IKZF1: variants seen among roughly 807,000 people sequenced by gnomAD.
IKZF1 encodes DNA-binding protein Ikaros.
Under a neutral mutation model 51.7 loss-of-function variants are expected in IKZF1, and 10 were observed. The observed-to-expected ratio is 0.19, with a 90% confidence interval of 0.12 to 0.33. The LOEUF (loss-of-function observed/expected upper bound fraction) is 0.33, where lower values mean the gene tolerates loss of function less well. Among genes scored for constraint, IKZF1 ranks in the 10% least tolerant of loss-of-function variants. The probability of loss-of-function intolerance (pLI) is 1.00; values close to 1 mark genes in which losing one functional copy is unlikely to be tolerated. For synonymous variants in IKZF1, 280 were observed against 282.3 expected (o/e 0.99, Z 0.08); for missense variants, 484 against 707.5 (o/e 0.68, Z 3.58).
chr7:50,392,521 C>T (rs541479900), intron 7 of IKZF1, among the ~76,000 whole-genome samples: 1 of 152,190 alleles, frequency 6.6e-6, no homozygotes, highest in Admixed American at 6.5e-5. Flanking sequence ...AGTGGAAAGG[C>T]GCTAGGCTTG....
At chr7:50,347,181 A>C (rs1369478488) in intron 3 of IKZF1, among the ~76,000 whole-genome samples, 1 of 152,236 alleles carries the variant, frequency 6.6e-6, no homozygotes, top group Non-Finnish European at 1.5e-5. Context: ...ATAAGACAGC[A>C]TTCCTGTCCT....
intron 1 of IKZF1, among the ~76,000 whole-genome samples, chr7:50,315,232 C>T (rs974191926): frequency 1.3e-5 from 2 of 152,180 alleles, no homozygotes; most frequent in Non-Finnish European, 2.9e-5. Flanking sequence ...GAGACAGTCT[C>T]AGACAAAGGG....
intron 7 of IKZF1, among the ~76,000 whole-genome samples, chr7:50,397,479 G>A (rs999476480): frequency 3.3e-5 from 5 of 152,096 alleles, no homozygotes; most frequent in Admixed American, 6.5e-5. Flanking sequence ...TGGTTGCTTG[G>A]GAAACCACAG....
intron 3 of IKZF1, among the ~76,000 whole-genome samples, chr7:50,339,893 T>C (rs2153413825): frequency 6.6e-6 from 1 of 152,372 alleles, no homozygotes; most frequent in East Asian, 1.9e-4. Context: ...ATTACATTAA[T>C]ATGTTACTAA....
chr7:50,350,298 G>A (rs1454565628), intron 3 of IKZF1, among the ~76,000 whole-genome samples: 1 of 152,254 alleles, frequency 6.6e-6, no homozygotes, highest in Non-Finnish European at 1.5e-5. Context: ...CAGCTCCAGA[G>A]GCTGGTCCCT....
chr7:50,343,530 G>C, intron 3 of IKZF1, among the ~76,000 whole-genome samples: 1 of 152,160 alleles, frequency 6.6e-6, no homozygotes, highest in Non-Finnish European at 1.5e-5. Flanking sequence ...GCATTTTCCT[G>C]ATCATTAAAT....
At chr7:50,368,909 CA>C (rs1339014333) in intron 3 of IKZF1, 4 of 220,914 alleles carry the variant, frequency 1.8e-5, no homozygotes, top group African/African-American at 8.9e-5. Context: ...TGAACAGTGC[CA>C]GTAACAGTTA....
intron 6 of IKZF1, among the ~76,000 whole-genome samples, chr7:50,388,936 C>G (rs1338978863): frequency 6.6e-6 from 1 of 152,090 alleles, no homozygotes; most frequent in Non-Finnish European, 1.5e-5. Flanking sequence ...TCAATAATAC[C>G]AAGCCCTATT....
chr7:50,382,072 G>C (rs1196971083), intron 4 of IKZF1, among the ~76,000 whole-genome samples: 1 of 152,182 alleles, frequency 6.6e-6, no homozygotes, highest in Middle Eastern at 3.2e-3. Flanking sequence ...ATATAAGAAT[G>C]TAACGCTGAA....
intron 3 of IKZF1, among the ~76,000 whole-genome samples, chr7:50,335,816 G>T (rs913818427): frequency 6.6e-6 from 1 of 151,988 alleles, no homozygotes; most frequent in Non-Finnish European, 1.5e-5. Flanking sequence ...AGCCACTGGG[G>T]TGTTTGCTGT....
At chr7:50,315,815 C>T (rs562458493) in intron 1 of IKZF1, among the ~76,000 whole-genome samples, 100 of 152,238 alleles carry the variant, frequency 6.6e-4, no homozygotes, top group African/African-American at 2.4e-3. Flanking sequence ...AAATTGAGGC[C>T]ATATCAAGCT....
In IKZF1 at chr7:50,382,622, C is replaced by A. The variant is rs573718333; in HGVS notation, c.504C>A (p.Ser168=). The part of the protein sequence containing the change: ...GNLLRHIKLH[S]GEKPFKCHLC... ...TGCTCCGGCACATCAAGCTGCATTC[C>A]GGGGAGAAGCCCTTCAAATGCCACC... Residue 168 remains serine (S), a synonymous_variant, in exon 5 of 8, where the codon TCC becomes TCA. Coordinates refer to ENST00000331340, the MANE Select transcript of IKZF1 (RefSeq NM_006060.6). 6.2e-7 allele frequency: 1 copy of A among 1,613,472 alleles called. No homozygotes were observed. Among genetic ancestry groups the A allele is most frequent in the African/African-American group, 1.3e-5 (1 of 74,916 alleles).
rs1020676314 is a variant in IKZF1, at chr7:50,376,421, T to C, written c.161-112T>C. The C allele has an allele frequency of 2.1e-5, 32 of 1,511,108 alleles. No homozygotes were observed. The highest frequency in any genetic ancestry group is 2.1e-5 in the Non-Finnish European group (24 of 1,128,966). 93.6% of individuals were successfully genotyped at this position (1,511,108 alleles called of 1,614,324 possible). A position where few individuals can be genotyped will look rare whatever the true frequency, so the allele number is the denominator to read the frequency against. ...TCTCCCCTTGGTATTTGCTAAGAAC[T>C]TCTGTTTAGTAGCTCTCCACACCTA... is the stretch of plus-strand genomic sequence containing the variant. On this transcript the variant is annotated intron_variant, in intron 3 of 7. Coordinates refer to ENST00000331340, the MANE Select transcript of IKZF1 (RefSeq NM_006060.6). The surrounding 1 kb of genome is among the most constrained non-coding windows in gnomAD (Gnocchi z 4.5).
At chr7:50,343,544 T>C (rs771867783) in intron 3 of IKZF1, among the ~76,000 whole-genome samples, 1 of 152,198 alleles carries the variant, frequency 6.6e-6, no homozygotes, top group Non-Finnish European at 1.5e-5. Context: ...ATTAAATGAA[T>C]TAGGGATTTC....
At chr7:50,357,635 AT>A (rs1446296987) in intron 3 of IKZF1, among the ~76,000 whole-genome samples, 1 of 152,042 alleles carries the variant, frequency 6.6e-6, no homozygotes, top group African/African-American at 2.4e-5. Flanking sequence ...TCCCTCTATA[AT>A]TTCTCTGGAG....
chr7:50,384,002 A>G (rs1478707998), intron 5 of IKZF1, among the ~76,000 whole-genome samples: 3 of 152,370 alleles, frequency 2.0e-5, no homozygotes, highest in African/African-American at 4.8e-5. Flanking sequence ...GAAAGCACCA[A>G]TGTGTTACAG....
chr7:50,385,756 G>C (rs1813204476), intron 5 of IKZF1, among the ~76,000 whole-genome samples: 1 of 152,176 alleles, frequency 6.6e-6, no homozygotes, highest in African/African-American at 2.4e-5. Context: ...GTATCGAGTG[G>C]TTATCTATAT....
At chr7:50,310,213 G>A (rs1789831250) in intron 1 of IKZF1, among the ~76,000 whole-genome samples, 1 of 152,168 alleles carries the variant, frequency 6.6e-6, no homozygotes, top group East Asian at 1.9e-4. Context: ...TTAGTATGAG[G>A]TTGTGTATGT....
intron 7 of IKZF1, 152 bp from the exon 8 acceptor site, chr7:50,399,766 T>G: frequency 8.6e-7 from 1 of 1,168,014 alleles, no homozygotes; most frequent in Non-Finnish European, 1.2e-6. Flanking sequence ...CAGGTGTGTG[T>G]GTATGTGTGC....
Sources: allele counts gnomAD v4.1 joint callset (sites outside exome capture counted in the v4.1 genomes callset), GRCh38; gene constraint gnomAD v4.1.1; non-coding constraint Gnocchi (gnomAD v3.1); transcripts MANE v1.5; gene names NCBI Gene and HGNC (gene_info 2026-07-23, HGNC 2026-07-21).